The following ZMIZ1 variants were observed in gnomAD, a reference collection of about 807,000 sequenced individuals.
ZMIZ1 encodes zinc finger MIZ domain-containing protein 1.
A neutral mutation model predicts 113.9 loss-of-function variants in ZMIZ1; 17 were observed. The ratio of observed to expected loss-of-function variants is 0.15; its 90% CI spans 0.10 to 0.22. The LOEUF (loss-of-function observed/expected upper bound fraction) is 0.22. Among genes scored for constraint, ZMIZ1 ranks in the 10% least tolerant of loss-of-function variants. The pLI is 1.00. For missense variants in ZMIZ1, 1,059 were observed against 1,477.8 expected, an observed-to-expected ratio of 0.72 and a Z score of 4.65; for synonymous variants, 607 against 603.1, an observed-to-expected ratio of 1.01 and a Z score of -0.09.
rs544357031 is a variant in ZMIZ1 at position 79,314,037 on chromosome 10, C to T, written c.*1288C>T. The T allele has an allele frequency of 4.4e-6, 2 of 456,704 alleles. No homozygotes were observed. The highest frequency in any genetic ancestry group is 6.9e-5 in the East Asian group (1 of 14,540). 28.3% of individuals were successfully genotyped at this position (456,704 alleles called of 1,614,324 possible). A position where few individuals can be genotyped will look rare whatever the true frequency, so the allele number is the denominator to read the frequency against. ...GAGGGGGGCGTGTTTCTGGGCCTGCCCCAGACACTGCCCTTGGCTGCCAGC... is the reference window on the plus strand; with the variant it reads ...GAGGGGGGCGTGTTTCTGGGCCTGCTCCAGACACTGCCCTTGGCTGCCAGC... On this transcript the variant is annotated 3_prime_UTR_variant, in exon 25 of 25. Coordinates refer to ENST00000334512, the MANE Select transcript of ZMIZ1 (RefSeq NM_020338.4).
rs573892172 is a variant in ZMIZ1, at chr10:79,292,776, C to T, written c.957+420C>T. On this transcript the variant is annotated intron_variant, in intron 11 of 24. Coordinates refer to ENST00000334512, the MANE Select transcript of ZMIZ1 (RefSeq NM_020338.4). ...CCTAGTCACCCTATCTGTGGGTCTG[C>T]GCAGGCCCCAGTGCTGCTCCCTGAC... The T allele has an allele frequency of 3.0e-4, 139 of 465,670 alleles. 2 individuals are homozygous for T. Among genetic ancestry groups the T allele is most frequent in the South Asian group, 2.0e-3 (132 of 64,644 alleles). The allele number at this position is 465,670 out of a possible 1,614,324, so 28.8% of individuals were successfully genotyped here. A position where few individuals can be genotyped will look rare whatever the true frequency, so the allele number is the denominator to read the frequency against.
At chr10:79,079,296 C>G (rs1397880205) in intron 1 of ZMIZ1, among the ~76,000 whole-genome samples, 3 of 152,222 alleles carry the variant, frequency 2.0e-5, no homozygotes. Flanking sequence ...GCTGTGGGCC[C>G]CCAGAACCTG....
At chr10:79,169,312 G>T (rs1026507255) in intron 4 of ZMIZ1, among the ~76,000 whole-genome samples, 1 of 152,198 alleles carries the variant, frequency 6.6e-6, no homozygotes, top group Non-Finnish European at 1.5e-5. Flanking sequence ...CGTTGCCTCT[G>T]CCCCCAGCAA....
At chr10:79,224,828 T>C (rs1849138921) in intron 7 of ZMIZ1, among the ~76,000 whole-genome samples, 1 of 151,996 alleles carries the variant, frequency 6.6e-6, no homozygotes, top group Non-Finnish European at 1.5e-5. Flanking sequence ...AAGTTGTTCC[T>C]TCAGGAGGAT....
At chr10:79,172,448 A>G (rs1373412402) in intron 4 of ZMIZ1, among the ~76,000 whole-genome samples, 1 of 152,194 alleles carries the variant, frequency 6.6e-6, no homozygotes, top group Non-Finnish European at 1.5e-5. Flanking sequence ...AATAGTAATA[A>G]TGACAACAGT....
At chr10:79,215,836 C>T (rs1395508131) in intron 6 of ZMIZ1, among the ~76,000 whole-genome samples, 2 of 152,160 alleles carry the variant, frequency 1.3e-5, no homozygotes, top group Non-Finnish European at 2.9e-5. Context: ...TTAGGGCCCA[C>T]CCTAAGGATG....
intron 18 of ZMIZ1, among the ~76,000 whole-genome samples, chr10:79,302,681 CTTTTTTTT>C (rs758621365): frequency 2.4e-5 from 1 of 41,784 alleles, no homozygotes; most frequent in Non-Finnish European, 4.6e-5. Context: ...ACAGCTCATG[CTTTTTTTT>C]TTTTTTTTTT....
intron 20 of ZMIZ1, 31 bp from the exon 21 acceptor site, chr10:79,305,502 C>G: frequency 1.2e-6 from 2 of 1,612,566 alleles, no homozygotes; most frequent in Non-Finnish European, 8.5e-7. Flanking sequence ...GGTCCTGGAG[C>G]AGAGGCCAAG....
chr10:79,237,734 T>C (rs2132812795), intron 7 of ZMIZ1, among the ~76,000 whole-genome samples: 1 of 152,318 alleles, frequency 6.6e-6, no homozygotes, highest in African/African-American at 2.4e-5. Flanking sequence ...TAAAGACACA[T>C]TCACAGGTTC....
chr10:79,114,526 T>TGTGG, intron 1 of ZMIZ1, among the ~76,000 whole-genome samples: 1 of 133,168 alleles, frequency 7.5e-6, no homozygotes, highest in Non-Finnish European at 1.6e-5. Flanking sequence ...TGTGTGTGTG[T>TGTGG]GTGTGTGTGT....
intron 2 of ZMIZ1, among the ~76,000 whole-genome samples, chr10:79,125,971 G>T (rs578137911): frequency 6.6e-6 from 1 of 152,352 alleles, no homozygotes; most frequent in African/African-American, 2.4e-5. Context: ...CCTTCTATCT[G>T]CAGAAAGGCA....
At chr10:79,122,520 C>T (rs1464513624) in intron 2 of ZMIZ1, among the ~76,000 whole-genome samples, 1 of 152,084 alleles carries the variant, frequency 6.6e-6, no homozygotes, top group Non-Finnish European at 1.5e-5. Context: ...TGCTCCTTGC[C>T]CACACTCCCA....
At chr10:79,124,582 G>C (rs997644044) in intron 2 of ZMIZ1, among the ~76,000 whole-genome samples, 1 of 152,224 alleles carries the variant, frequency 6.6e-6, no homozygotes, top group South Asian at 2.1e-4. Context: ...TGAATCTTCA[G>C]TTGAGCTGGG....
At chr10:79,246,531 T>A (rs1326323404) in intron 7 of ZMIZ1, among the ~76,000 whole-genome samples, 1 of 152,152 alleles carries the variant, frequency 6.6e-6, no homozygotes, top group African/African-American at 2.4e-5. Flanking sequence ...GCTGGGATCC[T>A]TAGCACCACC....
At chr10:79,110,329 T>C (rs1843692201) in intron 1 of ZMIZ1, among the ~76,000 whole-genome samples, 3 of 152,212 alleles carry the variant, frequency 2.0e-5, no homozygotes, top group Admixed American at 2.0e-4. Flanking sequence ...TTTGGCCTTA[T>C]TGCGATACCG....
At chr10:79,233,962 C>T (rs1381264518) in intron 7 of ZMIZ1, among the ~76,000 whole-genome samples, 4 of 152,042 alleles carry the variant, frequency 2.6e-5, no homozygotes, top group African/African-American at 9.7e-5. Context: ...AGGGTCTTGC[C>T]GGGGGAGTCA....
intron 1 of ZMIZ1, among the ~76,000 whole-genome samples, chr10:79,109,290 G>T (rs756778335): frequency 1.2e-4 from 18 of 152,222 alleles, no homozygotes; most frequent in Non-Finnish European, 2.4e-4. Flanking sequence ...ACACATGTGT[G>T]GGCATGCAAC....
At chr10:79,144,811 T>G (rs1845415153) in intron 3 of ZMIZ1, among the ~76,000 whole-genome samples, 1 of 152,246 alleles carries the variant, frequency 6.6e-6, no homozygotes, top group Non-Finnish European at 1.5e-5. Context: ...TAATTCCCAT[T>G]TGATTTGTCA....
At chr10:79,264,311 T>G (rs542232126) in intron 7 of ZMIZ1, among the ~76,000 whole-genome samples, 2 of 152,150 alleles carry the variant, frequency 1.3e-5, no homozygotes, top group African/African-American at 4.8e-5. Context: ...TCGAGAGGCA[T>G]TTGGCACTCA....
Sources: gnomAD v4.1 joint callset for allele counts (sites outside exome capture counted in the v4.1 genomes callset) on GRCh38, gnomAD v4.1.1 for gene constraint, MANE v1.5 for transcripts, NCBI Gene and HGNC (gene_info 2026-07-23, HGNC 2026-07-21) for gene names.